Variants in AUTS2 observed in about 807,000 individuals in gnomAD.
AUTS2 encodes the protein autism susceptibility gene 2 protein.
A neutral mutation model predicts 112.4 loss-of-function variants in AUTS2; 17 were observed. That is an observed-to-expected ratio of 0.15 (90% CI 0.10 to 0.23). The LOEUF (loss-of-function observed/expected upper bound fraction) is 0.23. Ranked by LOEUF, AUTS2 falls within the 10% of genes least tolerant of loss-of-function variation. AUTS2 has a pLI of 1.00. For synonymous variants in AUTS2, 751 were observed against 702.7 expected (o/e 1.07, Z -1.09); for missense variants, 1,510 against 1,701.6 (o/e 0.89, Z 1.98).
chr7:69,956,192 C>G (rs1797202129), intron 2 of AUTS2, among the ~76,000 whole-genome samples: 1 of 151,952 alleles, frequency 6.6e-6, no homozygotes, highest in Admixed American at 6.6e-5. Context: ...GTGCTGGCAT[C>G]TCATTCCAGG....
rs144051866 is a variant in AUTS2 at position 69,652,704 on chromosome 7, G to A, written c.309+52742G>A. Among the ~76,000 whole-genome samples, 225 of 152,058 alleles carry A rather than the reference G, an allele frequency of 1.5e-3. 1 individual carries two copies. The Middle Eastern group carries it at 0.017, about 11-fold the overall frequency. On this transcript the variant is annotated intron_variant, in intron 1 of 18. Coordinates refer to ENST00000342771, the MANE Select transcript of AUTS2 (RefSeq NM_015570.4). ...AAACACATGAATTATGTCAAATTTT[G>A]TAATGTCTTTTGAAAAAAAGGGGGA... is the stretch of plus-strand genomic sequence containing the variant.
intron 2 of AUTS2, among the ~76,000 whole-genome samples, chr7:69,931,634 A>G (rs1796232253): frequency 1.3e-5 from 2 of 152,152 alleles, no homozygotes; most frequent in Admixed American, 1.3e-4. Context: ...AGGATCAGTC[A>G]GGGGTTTCTT....
chr7:70,658,349 G>T (rs1233452916), intron 5 of AUTS2, among the ~76,000 whole-genome samples: 1 of 152,226 alleles, frequency 6.6e-6, no homozygotes, highest in East Asian at 1.9e-4. Flanking sequence ...CACCACACTT[G>T]CACATGCCTC....
In AUTS2 at chr7:70,072,002, C is replaced by G. The variant is rs1032766177; in HGVS notation, c.523-46130C>G. Among the ~76,000 whole-genome samples, 11 of 152,226 alleles carry G rather than the reference C, an allele frequency of 7.2e-5. No homozygotes were observed. The East Asian group carries it at 2.1e-3, about 29-fold the overall frequency. ...CAGGGTTACTGGCCTTGCTGCGGCC[C>G]AAGGGAAAACTCTGCAGGCCCTATT... On this transcript the variant is annotated intron_variant, in intron 2 of 18. Transcript: ENST00000342771.
At chr7:69,652,992 C>T (rs948984617) in intron 1 of AUTS2, among the ~76,000 whole-genome samples, 9 of 152,172 alleles carry the variant, frequency 5.9e-5, no homozygotes, top group African/African-American at 2.2e-4. Flanking sequence ...TGAGTGCCCA[C>T]TATTAAGATC....
intron 1 of AUTS2, among the ~76,000 whole-genome samples, chr7:69,792,237 TTTTTTGTTTTG>T (rs1450075563): frequency 6.6e-5 from 10 of 151,286 alleles, no homozygotes; most frequent in Non-Finnish European, 1.5e-4. Context: ...TTGTTGTTTT[TTTTTTGTTTTG>T]TTTTTTTTTA....
At chr7:69,779,138 C>T (rs1789033184) in intron 1 of AUTS2, among the ~76,000 whole-genome samples, 1 of 149,362 alleles carries the variant, frequency 6.7e-6, no homozygotes, top group Admixed American at 6.7e-5. Context: ...AGTGATCCGT[C>T]TCTGCCTCCC....
At chr7:70,648,376 G>A (rs1254103573) in intron 5 of AUTS2, among the ~76,000 whole-genome samples, 1 of 152,288 alleles carries the variant, frequency 6.6e-6, no homozygotes, top group Non-Finnish European at 1.5e-5. Flanking sequence ...GGAATGGGCT[G>A]AGGCTTGCCA....
rs1563025010 is a variant in AUTS2 at position 70,537,056 on chromosome 7, TA to T, written c.690+101277del. Among the ~76,000 whole-genome samples the T allele has an allele frequency of 2.0e-5, 3 of 152,296 alleles. No individual in the cohort carries two copies. In the East Asian group the frequency reaches 5.8e-4, roughly 29 times the overall value. ...TCCTCAGGTTCCCAGTTCAAAACTT[TA>T]AGGCCGCTGAAACCCAGGCTCCATG... On this transcript the variant is annotated intron_variant, in intron 5 of 18. Transcript: ENST00000342771.
intron 5 of AUTS2, among the ~76,000 whole-genome samples, chr7:70,509,085 G>A (rs721730): frequency 2.6e-5 from 4 of 152,146 alleles, no homozygotes; most frequent in Admixed American, 2.6e-4. Context: ...TCAAACCACA[G>A]AAAGGAATTT....
intron 4 of AUTS2, among the ~76,000 whole-genome samples, chr7:70,223,871 T>A (rs1326264013): frequency 2.7e-5 from 4 of 150,232 alleles, no homozygotes; most frequent in Admixed American, 1.3e-4. Context: ...TTTTTTTGGT[T>A]GGTTTGTTTC....
At chr7:70,787,571 T>G in intron 18 of AUTS2, 140 bp downstream of exon 18, 1 of 632,154 alleles carries the variant, frequency 1.6e-6, no homozygotes, top group Non-Finnish European at 2.8e-6. Flanking sequence ...CCACAGCCAG[T>G]GCCCGCAGCC....
chr7:70,168,636 C>G (rs1009515976), intron 4 of AUTS2, among the ~76,000 whole-genome samples: 9 of 152,084 alleles, frequency 5.9e-5, no homozygotes, highest in Non-Finnish European at 1.2e-4. Context: ...TTTAAAGAAG[C>G]AGAATTTGTC....
intron 5 of AUTS2, among the ~76,000 whole-genome samples, chr7:70,696,240 C>T (rs1297704458): frequency 6.6e-6 from 1 of 152,166 alleles, no homozygotes; most frequent in African/African-American, 2.4e-5. Context: ...AAGAATCTCT[C>T]TTCTGACTTG....
chr7:69,732,145 G>A (rs1161242674), intron 1 of AUTS2, among the ~76,000 whole-genome samples: 1 of 151,992 alleles, frequency 6.6e-6, no homozygotes, highest in Non-Finnish European at 1.5e-5. Context: ...CAGTCTTTGG[G>A]GGCTAGTTGT....
At chr7:69,788,273 A>G (rs995377202) in intron 1 of AUTS2, among the ~76,000 whole-genome samples, 1 of 152,098 alleles carries the variant, frequency 6.6e-6, no homozygotes, top group Non-Finnish European at 1.5e-5. Flanking sequence ...TCCCTAAATA[A>G]TTGCTTGAAA....
At chr7:69,619,354 G>A (rs931263542) in intron 1 of AUTS2, among the ~76,000 whole-genome samples, 4 of 152,266 alleles carry the variant, frequency 2.6e-5, no homozygotes, top group Middle Eastern at 3.4e-3. Flanking sequence ...TGTTGAAAGT[G>A]TTTGAGATGA....
intron 4 of AUTS2, among the ~76,000 whole-genome samples, chr7:70,152,240 G>GAGAGTCTCCAGAGA (rs1156947122): frequency 2.6e-5 from 4 of 152,212 alleles, no homozygotes; most frequent in African/African-American, 9.6e-5. Context: ...TCCAGAGAGA[G>GAGAGTCTCCAGAGA]GAGGGTGAGA....
In AUTS2 at chr7:69,926,445, G is replaced by GTCTGTCTA. The variant is rs796507485; in HGVS notation, c.522+26950_522+26951insGTCTATCT. ...CTGAAATCTATCTGTCTGTCTGTCT[G>GTCTGTCTA]TCTATCTATCTATCTATCTATCTAT... On this transcript the variant is annotated intron_variant, in intron 2 of 18. Transcript: ENST00000342771. Among the ~76,000 whole-genome samples, 948 of 123,174 alleles carry GTCTGTCTA rather than the reference G, an allele frequency of 7.7e-3. 6 individuals carry two copies. Among genetic ancestry groups the GTCTGTCTA allele is most frequent in the African/African-American group, 0.021 (644 of 30,562 alleles). 80.8% of individuals were successfully genotyped at this position (123,174 alleles called of 152,430 possible). A position where few individuals can be genotyped will look rare whatever the true frequency, so the allele number is the denominator to read the frequency against.
Sources: allele counts gnomAD v4.1 joint callset (sites outside exome capture counted in the v4.1 genomes callset), GRCh38; gene constraint gnomAD v4.1.1; transcripts MANE v1.5; gene names NCBI Gene and HGNC (gene_info 2026-07-23, HGNC 2026-07-21).